UNC5C: variants seen among roughly 807,000 people sequenced by gnomAD.
UNC5C encodes netrin receptor UNC5C.
A neutral mutation model predicts 99.8 loss-of-function variants in UNC5C; 47 were observed. That is an observed-to-expected ratio of 0.47 (90% CI 0.37 to 0.60). The LOEUF (loss-of-function observed/expected upper bound fraction) is 0.60. Ranked by LOEUF, UNC5C falls within the 20% of genes least tolerant of loss-of-function variation. UNC5C has a pLI of 0.00. For missense variants in UNC5C, 1,062 were observed against 1,165.9 expected, an observed-to-expected ratio of 0.91 and a Z score of 1.30; for synonymous variants, 487 against 452.2, an observed-to-expected ratio of 1.08 and a Z score of -0.98.
At chr4:95,487,834 T>C (rs2149480306) in intron 1 of UNC5C, among the ~76,000 whole-genome samples, 1 of 151,910 alleles carries the variant, frequency 6.6e-6, no homozygotes, top group East Asian at 1.9e-4. Flanking sequence ...TAGTTTCTTA[T>C]AAGGAAATAG....
At chr4:95,312,120 G>A (rs1435536745) in intron 2 of UNC5C, among the ~76,000 whole-genome samples, 3 of 152,116 alleles carry the variant, frequency 2.0e-5, no homozygotes, top group East Asian at 3.9e-4. Context: ...AAGAAAGCAC[G>A]TAAGGAGATA....
chr4:95,320,746 A>G (rs1230968421), intron 2 of UNC5C, among the ~76,000 whole-genome samples: 1 of 152,152 alleles, frequency 6.6e-6, no homozygotes, highest in Non-Finnish European at 1.5e-5. Context: ...GGTGGACACG[A>G]TTTGATTTTT....
At chr4:95,422,556 A>ATTT (rs35763788) in intron 1 of UNC5C, among the ~76,000 whole-genome samples, 1 of 151,684 alleles carries the variant, frequency 6.6e-6, no homozygotes, top group Non-Finnish European at 1.5e-5. Flanking sequence ...CGGGGGCTGT[A>ATTT]TTTTTTTCCA....
rs1006120717 is a variant in UNC5C at position 95,288,724 on chromosome 4, A to G, written c.491-10362T>C. Among the ~76,000 whole-genome samples, 10 of 152,242 alleles carry G rather than the reference A, an allele frequency of 6.6e-5. 1 individual carries two copies. The highest frequency in any genetic ancestry group is 1.9e-4 in the African/African-American group (8 of 41,534). On this transcript the variant is annotated intron_variant, in intron 3 of 15. Transcript: ENST00000453304. ...TGATGGCATTCCTTGGCTTGTGGCTACATCCCTCTAATCTCTACCTCTGTG... is the reference window on the plus strand; with the variant it reads ...TGATGGCATTCCTTGGCTTGTGGCTGCATCCCTCTAATCTCTACCTCTGTG...
intron 1 of UNC5C, among the ~76,000 whole-genome samples, chr4:95,526,261 C>G (rs1722495725): frequency 2.0e-5 from 3 of 152,004 alleles, no homozygotes; most frequent in African/African-American, 7.2e-5. Context: ...TGTAAAGGAA[C>G]AATTATTAAT....
intron 1 of UNC5C, among the ~76,000 whole-genome samples, chr4:95,505,685 A>G (rs918327555): frequency 1.3e-5 from 2 of 152,078 alleles, no homozygotes; most frequent in Non-Finnish European, 2.9e-5. Flanking sequence ...TGCTCTCCAT[A>G]AGAATTTATC....
intron 1 of UNC5C, among the ~76,000 whole-genome samples, chr4:95,362,677 A>G (rs1254672959): frequency 3.3e-5 from 5 of 152,200 alleles, no homozygotes; most frequent in Non-Finnish European, 5.9e-5. Flanking sequence ...AACTGAGCTG[A>G]CATACCAATA....
intron 4 of UNC5C, among the ~76,000 whole-genome samples, chr4:95,275,916 G>A (rs185164416): frequency 1.5e-3 from 227 of 152,248 alleles, no homozygotes; most frequent in Middle Eastern, 0.01. Context: ...ATCTCCCAAC[G>A]ACTGATCTAA....
intron 2 of UNC5C, among the ~76,000 whole-genome samples, chr4:95,328,426 T>G (rs1742985668): frequency 7.9e-6 from 1 of 126,146 alleles, no homozygotes; most frequent in Admixed American, 9.5e-5. Context: ...TAGTATTCCA[T>G]GGTGTATATG....
rs770470612 is a variant in UNC5C at position 95,278,307 on chromosome 4, C to G, written c.546G>C (p.Gln182His). 3.7e-6 allele frequency: 6 copies of G among 1,614,124 alleles called. No homozygotes were observed. The highest frequency in any genetic ancestry group is 5.1e-6 in the Non-Finnish European group (6 of 1,180,022). Reference protein sequence around the residue: ...EPLGKEVSLEQEVLLQCRPPE... With the variant: ...EPLGKEVSLEHEVLLQCRPPE... ...GTGGTCGACACTGGAGTAAGACTTCCTGTTCCAAAGACACTTCCTTTCCTA... is the reference window on the plus strand; with the variant it reads ...GTGGTCGACACTGGAGTAAGACTTCGTGTTCCAAAGACACTTCCTTTCCTA... Residue 182 changes from glutamine (Q) to histidine (H), a missense_variant, in exon 4 of 16, where the codon CAG becomes CAC. By Grantham distance (24) the Gln-to-His change is conservative. Around this residue, in one of 3 missense-constraint regions of UNC5C, gnomAD observed 249 missense variants for 295.1 expected, o/e 0.84. Coordinates refer to ENST00000453304, the MANE Select transcript of UNC5C (RefSeq NM_003728.4).
intron 5 of UNC5C, chr4:95,248,212 AT>A (rs202203217): frequency 6.5e-3 from 1,496 of 229,146 alleles, no homozygotes; most frequent in South Asian, 0.014. Context: ...CTCTTTTAGG[AT>A]TTTTTTTTTG....
intron 1 of UNC5C, among the ~76,000 whole-genome samples, chr4:95,471,713 T>A (rs539602673): frequency 6.6e-6 from 1 of 152,184 alleles, no homozygotes; most frequent in Non-Finnish European, 1.5e-5. Flanking sequence ...TACATAACTT[T>A]AACAGTTTTG....
chr4:95,407,477 A>G (rs1745862765), intron 1 of UNC5C, among the ~76,000 whole-genome samples: 1 of 152,156 alleles, frequency 6.6e-6, no homozygotes, highest in East Asian at 1.9e-4. Context: ...GCTAAAACCA[A>G]TCATGCTCAG....
chr4:95,193,669 G>C (rs562581508), intron 12 of UNC5C, among the ~76,000 whole-genome samples: 4 of 152,300 alleles, frequency 2.6e-5, no homozygotes, highest in Non-Finnish European at 5.9e-5. Flanking sequence ...TGTCACTGCT[G>C]TCTCTGTCAC....
chr4:95,487,921 C>T (rs567499328), intron 1 of UNC5C, among the ~76,000 whole-genome samples: 11 of 151,764 alleles, frequency 7.2e-5, no homozygotes, highest in South Asian at 2.1e-4. Context: ...ATTTTAGGCT[C>T]GTCTTTTTAA....
chr4:95,527,796 T>A (rs928815869), intron 1 of UNC5C, among the ~76,000 whole-genome samples: 1 of 152,086 alleles, frequency 6.6e-6, no homozygotes, highest in Non-Finnish European at 1.5e-5. Context: ...TTAATGCAAT[T>A]GATGGAGAAA....
chr4:95,278,307 C>T lies in UNC5C; in HGVS notation c.546G>A (p.Gln182=). ...EPLGKEVSLE[Q]EVLLQCRPPE... Reference sequence around the variant, plus strand: ...GTGGTCGACACTGGAGTAAGACTTCCTGTTCCAAAGACACTTCCTTTCCTA... The same window carrying T: ...GTGGTCGACACTGGAGTAAGACTTCTTGTTCCAAAGACACTTCCTTTCCTA... Residue 182 remains glutamine, a synonymous_variant, in exon 4 of 16, where the codon CAG becomes CAA. Coordinates refer to ENST00000453304, the MANE Select transcript of UNC5C (RefSeq NM_003728.4). 6.2e-7 allele frequency: 1 copy of T among 1,614,124 alleles called. No individual in the cohort carries two copies. The highest frequency in any genetic ancestry group is 1.1e-5 in the South Asian group (1 of 91,086).
rs966580462 is a variant in UNC5C at position 95,440,900 on chromosome 4, T to C, written c.125-105269A>G. On this transcript the variant is annotated intron_variant, in intron 1 of 15. Coordinates refer to ENST00000453304, the MANE Select transcript of UNC5C (RefSeq NM_003728.4). ...AATGTACTTTACAAACATTAAGTAA[T>C]TTTTATAATACTCTTGGGAATTAAC... 2.6e-5 allele frequency among the ~76,000 whole-genome samples: 4 copies of C among 152,224 alleles called. No individual in the cohort carries two copies. In the East Asian group the frequency reaches 7.7e-4, roughly 29 times the overall value.
At chr4:95,223,114 G>A (rs1198405592) in intron 7 of UNC5C, among the ~76,000 whole-genome samples, 1 of 152,136 alleles carries the variant, frequency 6.6e-6, no homozygotes, top group Non-Finnish European at 1.5e-5. Flanking sequence ...TATGGATAAT[G>A]ATAATAATGT....
Sources: gnomAD v4.1 joint callset for allele counts (sites outside exome capture counted in the v4.1 genomes callset) on GRCh38, gnomAD v4.1.1 for gene constraint, gnomAD v4.1.1 regional missense constraint, MANE v1.5 for transcripts, NCBI Gene and HGNC (gene_info 2026-07-23, HGNC 2026-07-21) for gene names.